RAD51B: variants seen among roughly 807,000 people sequenced by gnomAD.
The protein encoded by RAD51B is DNA repair protein RAD51 homolog 2.
A neutral mutation model predicts 42.2 loss-of-function variants in RAD51B; 38 were observed. The ratio of observed to expected loss-of-function variants is 0.90; its 90% CI spans 0.70 to 1.18. The LOEUF (loss-of-function observed/expected upper bound fraction) is 1.18, where lower values mean the gene tolerates loss of function less well. RAD51B is among the 50% of genes most tolerant of loss of function. The pLI, the probability that RAD51B is intolerant of heterozygous loss-of-function variation, is 0.00. For synonymous variants in RAD51B, 154 were observed against 145.2 expected, an observed-to-expected ratio of 1.06 and a Z score of -0.43; for missense variants, 373 against 400.7, an observed-to-expected ratio of 0.93 and a Z score of 0.59.
chr14:68,019,879 G>T (rs2075836267), intron 7 of RAD51B, among the ~76,000 whole-genome samples: 1 of 152,212 alleles, frequency 6.6e-6, no homozygotes, highest in South Asian at 2.1e-4. Flanking sequence ...AGACCAAAAA[G>T]AATGTGCCCC....
chr14:68,674,867 C>T (rs1188151928), intron 11 of RAD51B, among the ~76,000 whole-genome samples: 2 of 152,206 alleles, frequency 1.3e-5, no homozygotes, highest in Non-Finnish European at 2.9e-5. Context: ...ACCCACTTCT[C>T]CCTGTGGAAG....
chr14:68,616,102 A>G (rs1335873977), downstream of RAD51B, among the ~76,000 whole-genome samples: 1 of 152,108 alleles, frequency 6.6e-6, no homozygotes, highest in African/African-American at 2.4e-5. Context: ...GCTGCTATAA[A>G]TTTTATTTCT....
At chr14:68,277,663 T>C (rs2081249827) in intron 7 of RAD51B, among the ~76,000 whole-genome samples, 2 of 152,182 alleles carry the variant, frequency 1.3e-5, no homozygotes, top group Non-Finnish European at 1.5e-5. Context: ...GCAATGTAAA[T>C]AATTCTTATC....
At chr14:68,351,294 A>G (rs2082782130) in intron 8 of RAD51B, among the ~76,000 whole-genome samples, 2 of 152,358 alleles carry the variant, frequency 1.3e-5, no homozygotes, top group South Asian at 4.1e-4. Flanking sequence ...AAAGACCAGA[A>G]GTAGAAAAGT....
At chr14:67,840,818 T>C (rs1234625550) in intron 4 of RAD51B, among the ~76,000 whole-genome samples, 4 of 152,244 alleles carry the variant, frequency 2.6e-5, no homozygotes, top group African/African-American at 7.2e-5. Context: ...TTTTTTTTTT[T>C]TTTGGGACAG....
intron 7 of RAD51B, among the ~76,000 whole-genome samples, chr14:67,961,673 T>G (rs1274880826): frequency 1.3e-5 from 2 of 152,206 alleles, no homozygotes; most frequent in African/African-American, 4.8e-5. Context: ...GAAACGGTCC[T>G]ACCGTTTCCT....
intron 9 of RAD51B, among the ~76,000 whole-genome samples, chr14:68,460,005 G>A (rs928669841): frequency 1.3e-5 from 2 of 152,194 alleles, no homozygotes; most frequent in South Asian, 4.1e-4. Flanking sequence ...TTAGAGAAGA[G>A]AAAGTAGAAG....
intron 7 of RAD51B, among the ~76,000 whole-genome samples, chr14:68,051,944 A>G (rs1362139523): frequency 1.1e-4 from 16 of 152,100 alleles, no homozygotes; most frequent in Admixed American, 1.0e-3. Context: ...TCAACTTACT[A>G]GCTTTCAAAA....
At chr14:68,126,223 A>G (rs2077756495) in intron 7 of RAD51B, among the ~76,000 whole-genome samples, 1 of 152,152 alleles carries the variant, frequency 6.6e-6, no homozygotes, top group South Asian at 2.1e-4. Context: ...GCTTTTAAAT[A>G]TTCGTATTCA....
intron 7 of RAD51B, among the ~76,000 whole-genome samples, chr14:68,095,651 G>A (rs542603798): frequency 4.0e-5 from 6 of 151,694 alleles, no homozygotes; most frequent in South Asian, 2.1e-4. Flanking sequence ...CTTTGTTTAC[G>A]CCTAATTACA....
At chr14:68,569,207 G>A (rs999023827) in intron 10 of RAD51B, among the ~76,000 whole-genome samples, 1 of 152,236 alleles carries the variant, frequency 6.6e-6, no homozygotes, top group African/African-American at 2.4e-5. Context: ...CTCCCCGGAG[G>A]AATGGGCCAG....
chr14:68,547,127 T>C (rs1466117318), intron 10 of RAD51B, among the ~76,000 whole-genome samples: 1 of 152,186 alleles, frequency 6.6e-6, no homozygotes, highest in African/African-American at 2.4e-5. Flanking sequence ...GACCGGTGCC[T>C]AACAAACAGC....
At chr14:67,835,514 C>T (rs915836551) in intron 4 of RAD51B, among the ~76,000 whole-genome samples, 2 of 151,316 alleles carry the variant, frequency 1.3e-5, no homozygotes, top group African/African-American at 4.9e-5. Flanking sequence ...GTTATATATA[C>T]ATACATGCAT....
At chr14:68,105,598 GTTA>G (rs1270003580) in intron 7 of RAD51B, among the ~76,000 whole-genome samples, 1 of 151,686 alleles carries the variant, frequency 6.6e-6, no homozygotes, top group African/African-American at 2.4e-5. Flanking sequence ...GATTGGTTTT[GTTA>G]TTATTTTAAA....
chr14:68,637,021 C>T (rs1315949044), intron 10 of RAD51B, among the ~76,000 whole-genome samples: 1 of 152,208 alleles, frequency 6.6e-6, no homozygotes, highest in African/African-American at 2.4e-5. Context: ...TTGTTGATTG[C>T]TGTCCTCAGC....
intron 3 of RAD51B, among the ~76,000 whole-genome samples, chr14:67,830,890 ATT>A (rs113745780): frequency 6.9e-6 from 1 of 145,480 alleles, no homozygotes. Flanking sequence ...TACTTGTGTA[ATT>A]TTTTTTTTTT....
At chr14:68,324,007 G>T (rs543563877) in intron 8 of RAD51B, among the ~76,000 whole-genome samples, 9 of 152,162 alleles carry the variant, frequency 5.9e-5, no homozygotes, top group African/African-American at 2.2e-4. Flanking sequence ...AGAACAGTAG[G>T]AAAGAAGCTG....
In RAD51B at chr14:68,195,006, C is replaced by T. The variant is rs148983756; in HGVS notation, c.757-96878C>T. 1.7e-3 allele frequency among the ~76,000 whole-genome samples: 259 copies of T among 152,130 alleles called. 1 individual carries two copies. The highest frequency in any genetic ancestry group is 2.8e-3 in the Non-Finnish European group (188 of 68,012). On this transcript the variant is annotated intron_variant, in intron 7 of 10. Transcript: ENST00000471583. ...CATTAATTCATTCAGCACATAATAA[C>T]GAAGTATGTACTTGGTGGCAAGCAC...
At chr14:68,072,326 C>T (rs1032188978) in intron 7 of RAD51B, among the ~76,000 whole-genome samples, 4 of 150,444 alleles carry the variant, frequency 2.7e-5, no homozygotes, top group Non-Finnish European at 5.9e-5. Context: ...CTTACATTAT[C>T]ACAAGGTCCC....
Sources: gnomAD v4.1 joint callset for allele counts (sites outside exome capture counted in the v4.1 genomes callset) on GRCh38, gnomAD v4.1.1 for gene constraint, MANE v1.5 for transcripts, NCBI Gene and HGNC (gene_info 2026-07-23, HGNC 2026-07-21) for gene names.